EHD3: variants seen among roughly 807,000 people sequenced by gnomAD.
The protein encoded by EHD3 is EH domain-containing protein 3.
Under a neutral mutation model 43.0 loss-of-function variants are expected in EHD3, and 17 were observed. The ratio of observed to expected loss-of-function variants is 0.40; its 90% CI spans 0.27 to 0.59. EHD3 has a LOEUF of 0.59. Ranked by LOEUF, EHD3 falls within the 20% of genes least tolerant of loss-of-function variation. The pLI is 0.49. For missense variants in EHD3, 594 were observed against 705.6 expected (o/e 0.84, Z 1.79); for synonymous variants, 313 against 289.5 (o/e 1.08, Z -0.82).
chr2:31,249,523 C>T (rs1683593729), intron 3 of EHD3, 55 bp downstream of exon 3: 3 of 1,512,414 alleles, frequency 2.0e-6, no homozygotes, highest in Non-Finnish European at 2.7e-6. Context: ...CTGGCACGTT[C>T]AGTCTCTTAC....
intron 1 of EHD3, among the ~76,000 whole-genome samples, chr2:31,236,425 G>A (rs1683325483): frequency 6.6e-6 from 1 of 152,170 alleles, no homozygotes; most frequent in South Asian, 2.1e-4. Context: ...ATAATGTTGG[G>A]GGTCCAAGGG....
chr2:31,249,410 C>T lies in EHD3; in HGVS notation c.444C>T (p.Ser148=). 6.2e-7 allele frequency: 1 copy of T among 1,614,168 alleles called. No individual in the cohort carries two copies. ...CAQLPNPVLE[S]ISVIDTPGIL... is the part of the protein sequence containing the mutation. The stretch of plus-strand genomic sequence containing the variant: ...AGCTACCTAACCCTGTGCTGGAGAG[C>T]ATCAGCGTCATCGACACACCAGGGA... The change falls in exon 3 of 6, where the codon AGC becomes AGT. Residue 148 remains serine, a synonymous_variant. Coordinates refer to ENST00000322054, the MANE Select transcript of EHD3 (RefSeq NM_014600.3).
rs772559093 is a variant in EHD3 at position 31,244,262 on chromosome 2, T to G, written c.228-12T>G. 17 of 1,611,372 alleles carry G rather than the reference T, an allele frequency of 1.1e-5. No individual in the cohort carries two copies. The highest frequency in any genetic ancestry group is 1.7e-5 in the Admixed American group (1 of 59,900). The stretch of plus-strand genomic sequence containing the variant: ...AGAACGCCTGCATTAGGACTGTGCT[T>G]CTTCCTGCTAGGTACCTGCTGGAAC... On this transcript the variant is annotated splice_polypyrimidine_tract_variant and intron_variant, in intron 1 of 5. Coordinates refer to ENST00000322054, the MANE Select transcript of EHD3 (RefSeq NM_014600.3).
chr2:31,267,398 TGAA>T lies in EHD3; in HGVS notation c.*695_*697del, dbSNP rs1281638633. On this transcript the variant is annotated 3_prime_UTR_variant, in exon 6 of 6. Transcript: ENST00000322054. Reference sequence around the variant, plus strand: ...GTGAGGAAATTGTCCTGTAGTCTATTGAAAACCAGTCAAGGTGGTTTTAGTTCA... The same window carrying T: ...GTGAGGAAATTGTCCTGTAGTCTATTAACCAGTCAAGGTGGTTTTAGTTCA... 1 of 152,416 alleles carries T rather than the reference TGAA, an allele frequency of 6.6e-6. No individual in the cohort carries two copies. Among genetic ancestry groups the T allele is most frequent in the East Asian group, 1.9e-4 (1 of 5,194 alleles). 9.4% of individuals were successfully genotyped at this position (152,416 alleles called of 1,614,324 possible).
chr2:31,243,999 T>G (rs1268164962), intron 1 of EHD3, among the ~76,000 whole-genome samples: 1 of 152,118 alleles, frequency 6.6e-6, no homozygotes, highest in Non-Finnish European at 1.5e-5. Context: ...GCCCAAACCT[T>G]GCTCCTTCTA....
At chr2:31,250,144 T>G (rs1277395121) in intron 3 of EHD3, among the ~76,000 whole-genome samples, 1 of 152,058 alleles carries the variant, frequency 6.6e-6, no homozygotes, top group East Asian at 1.9e-4. Context: ...GTATTATCCA[T>G]CTTACAGAGT....
In EHD3 at chr2:31,266,987, C is replaced by A; in HGVS notation, c.*283C>A. 1 of 413,972 alleles carries A rather than the reference C, an allele frequency of 2.4e-6. No individual in the cohort carries two copies. Among genetic ancestry groups the A allele is most frequent in the South Asian group, 5.1e-5 (1 of 19,666 alleles). The allele number at this position is 413,972 out of a possible 1,614,324, so 25.6% of individuals were successfully genotyped here. On this transcript the variant is annotated 3_prime_UTR_variant, in exon 6 of 6. Transcript: ENST00000322054. The surrounding 1 kb of genome is among the most constrained non-coding windows in gnomAD (Gnocchi z 5.1). ...TCTTCCCCTCTCCTCGGCCACTCCCCAGATACCAGACCTGAGGCAATTCAC... is the reference window on the plus strand; with the variant it reads ...TCTTCCCCTCTCCTCGGCCACTCCCAAGATACCAGACCTGAGGCAATTCAC...
At chr2:31,252,577 C>T (rs1185734005) in intron 3 of EHD3, among the ~76,000 whole-genome samples, 4 of 152,208 alleles carry the variant, frequency 2.6e-5, no homozygotes, top group Non-Finnish European at 4.4e-5. Context: ...TGAGTTCAAG[C>T]GATTCTCCTG....
At chr2:31,258,732 G>A (rs1383705077) in intron 3 of EHD3, among the ~76,000 whole-genome samples, 1 of 152,234 alleles carries the variant, frequency 6.6e-6, no homozygotes. Flanking sequence ...TTAGGTCAGT[G>A]CTGAACACCT....
chr2:31,254,408 C>G (rs1437543308), intron 3 of EHD3, among the ~76,000 whole-genome samples: 1 of 152,208 alleles, frequency 6.6e-6, no homozygotes, highest in Non-Finnish European at 1.5e-5. Flanking sequence ...TACAGGCACG[C>G]CTGTGTGGGC....
Position 31,266,426 on chromosome 2 carries a change from G to A in EHD3, c.1330G>A (p.Asp444Asn). The A allele has an allele frequency of 1.2e-6, 2 of 1,613,972 alleles. No homozygotes were observed. Among genetic ancestry groups the A allele is most frequent in the Non-Finnish European group, 1.7e-6 (2 of 1,179,974 alleles). ...TGATGCTGAGTGGGTGGTGGCCAGG[G>A]ACAAGCCCATGTACGACGAGATCTT... ...IDDAEWVVARDKPMYDEIFYT... is the reference protein window; with the variant it reads ...IDDAEWVVARNKPMYDEIFYT... The change falls in exon 6 of 6, where the codon GAC becomes AAC. Residue 444 changes from aspartate to asparagine, a missense_variant. Asp to Asn is a conservative substitution (Grantham distance 23, BLOSUM62 1). Around this residue, in one of 3 missense-constraint regions of EHD3, gnomAD observed 322 missense variants for 348.0 expected, o/e 0.93. Coordinates refer to ENST00000322054, the MANE Select transcript of EHD3 (RefSeq NM_014600.3). The surrounding 1 kb of genome is among the most constrained non-coding windows in gnomAD (Gnocchi z 5.1).
intron 1 of EHD3, among the ~76,000 whole-genome samples, chr2:31,235,324 G>A (rs610077): frequency 0.63 from 96,364 of 151,958 alleles, 32,172 homozygotes; most frequent in East Asian, 0.89. Flanking sequence ...TGATGGGTGC[G>A]GGCCTGGGAA....
intron 3 of EHD3, among the ~76,000 whole-genome samples, chr2:31,253,258 A>ACG (rs1683674909): frequency 6.6e-6 from 1 of 150,786 alleles, no homozygotes; most frequent in Non-Finnish European, 1.5e-5. Flanking sequence ...ACACACACAC[A>ACG]CACACACACA....
chr2:31,253,769 G>C (rs1407089350), intron 3 of EHD3, among the ~76,000 whole-genome samples: 3 of 152,284 alleles, frequency 2.0e-5, no homozygotes, highest in East Asian at 3.9e-4. Flanking sequence ...TGCCCGGGAA[G>C]CTGATTCTGG....
chr2:31,263,701 A>T (rs1217748506), intron 5 of EHD3, among the ~76,000 whole-genome samples: 1 of 152,182 alleles, frequency 6.6e-6, no homozygotes, highest in Non-Finnish European at 1.5e-5. Context: ...AGAAGTACCC[A>T]GGCTAACACT....
intron 3 of EHD3, among the ~76,000 whole-genome samples, chr2:31,251,759 C>G (rs571301914): frequency 1.3e-5 from 2 of 152,246 alleles, no homozygotes; most frequent in East Asian, 3.9e-4. Flanking sequence ...CCAGCACGCA[C>G]GCTGTAAGCA....
intron 5 of EHD3, among the ~76,000 whole-genome samples, chr2:31,265,895 T>C (rs1483731666): frequency 1.3e-5 from 2 of 152,116 alleles, no homozygotes; most frequent in Admixed American, 1.3e-4. Flanking sequence ...AATAAATAGA[T>C]CATGCCAATA....
intron 1 of EHD3, among the ~76,000 whole-genome samples, chr2:31,242,662 A>C (rs1683444541): frequency 6.6e-6 from 1 of 152,230 alleles, no homozygotes; most frequent in Non-Finnish European, 1.5e-5. Context: ...TATGCTAAAA[A>C]ATAAGATCAG....
chr2:31,236,441 T>G (rs1401645084), intron 1 of EHD3, among the ~76,000 whole-genome samples: 1 of 152,246 alleles, frequency 6.6e-6, no homozygotes, highest in Non-Finnish European at 1.5e-5. Context: ...AAGGGCCTTC[T>G]TTGGACTTTA....
Sources: gnomAD v4.1 joint callset for allele counts (sites outside exome capture counted in the v4.1 genomes callset) on GRCh38, gnomAD v4.1.1 for gene constraint, gnomAD v4.1.1 regional missense constraint, Gnocchi (gnomAD v3.1) non-coding constraint, MANE v1.5 for transcripts, NCBI Gene and HGNC (gene_info 2026-07-23, HGNC 2026-07-21) for gene names.